Variants in PSD3 observed in about 807,000 individuals in gnomAD.
PSD3 encodes pleckstrin and Sec7 domain containing 3.
A neutral mutation model predicts 105.5 loss-of-function variants in PSD3; 49 were observed. That is an observed-to-expected ratio of 0.46 (90% CI 0.37 to 0.59). The LOEUF (loss-of-function observed/expected upper bound fraction) is 0.59, where lower values mean the gene tolerates loss of function less well. Ranked by LOEUF, PSD3 falls within the 20% of genes least tolerant of loss-of-function variation. The probability of loss-of-function intolerance (pLI) is 0.00; values close to 1 mark genes in which losing one functional copy is unlikely to be tolerated. For synonymous variants in PSD3, 557 were observed against 457.8 expected, an observed-to-expected ratio of 1.22 and a Z score of -2.77; for missense variants, 1,561 against 1,263.8, an observed-to-expected ratio of 1.24 and a Z score of -3.57.
chr8:18,644,422 C>A (rs180692205), intron 10 of PSD3, among the ~76,000 whole-genome samples: 268 of 152,258 alleles, frequency 1.8e-3, no homozygotes, highest in African/African-American at 5.7e-3. Flanking sequence ...CCCTAAAGCC[C>A]TTGGACAAGA....
intron 1 of PSD3, among the ~76,000 whole-genome samples, chr8:18,970,116 G>C (rs527516959): frequency 6.6e-6 from 1 of 151,538 alleles, no homozygotes; most frequent in South Asian, 2.1e-4. Flanking sequence ...ACGAGGTCAG[G>C]AGATCGAGAC....
At chr8:18,752,554 A>AATTATATAT (rs1554489476) in intron 9 of PSD3, among the ~76,000 whole-genome samples, 7,260 of 19,568 alleles carry the variant, frequency 0.37, 446 homozygotes, top group Admixed American at 0.45. Context: ...TATTATATAT[A>AATTATATAT]ATTATATATA....
chr8:18,896,851 C>G (rs575992700), intron 2 of PSD3, among the ~76,000 whole-genome samples: 1 of 152,022 alleles, frequency 6.6e-6, no homozygotes, highest in South Asian at 2.1e-4. Flanking sequence ...GCTCTTGTTG[C>G]CCAGGCTGGA....
chr8:18,681,597 G>A (rs1800394782), intron 9 of PSD3, among the ~76,000 whole-genome samples: 1 of 151,982 alleles, frequency 6.6e-6, no homozygotes, highest in Non-Finnish European at 1.5e-5. Flanking sequence ...GAGAAGTGAT[G>A]CTTAAATCAA....
At chr8:18,581,206 A>G (rs940046296) in intron 12 of PSD3, among the ~76,000 whole-genome samples, 1 of 152,232 alleles carries the variant, frequency 6.6e-6, no homozygotes, top group Non-Finnish European at 1.5e-5. Flanking sequence ...AATCATTTTA[A>G]TGTCAATTAA....
chr8:18,647,204 AC>A (rs1205383762), intron 10 of PSD3, among the ~76,000 whole-genome samples: 2 of 152,248 alleles, frequency 1.3e-5, no homozygotes, highest in African/African-American at 4.8e-5. Context: ...TAAATTTGCA[AC>A]AAGGAAATGA....
chr8:18,754,822 T>C (rs1040976689), intron 9 of PSD3, among the ~76,000 whole-genome samples: 1 of 152,164 alleles, frequency 6.6e-6, no homozygotes, highest in African/African-American at 2.4e-5. Context: ...ACTGTTTTCC[T>C]TTATGGGATA....
chr8:18,746,430 T>C (rs1322436609), intron 9 of PSD3, among the ~76,000 whole-genome samples: 2 of 152,150 alleles, frequency 1.3e-5, no homozygotes, highest in South Asian at 2.1e-4. Flanking sequence ...CAGTGCAGTC[T>C]AAGAGTTCGG....
At chr8:19,034,571 G>C (rs983261661) in intron 1 of PSD3, among the ~76,000 whole-genome samples, 1 of 152,126 alleles carries the variant, frequency 6.6e-6, no homozygotes, top group Non-Finnish European at 1.5e-5. Context: ...TGCATCACTC[G>C]CTAGGTACCA....
intron 9 of PSD3, among the ~76,000 whole-genome samples, chr8:18,758,414 C>CTTT (rs143280710): frequency 6.7e-5 from 9 of 135,116 alleles, no homozygotes; most frequent in African/African-American, 2.1e-4. Flanking sequence ...CAGTTTTACT[C>CTTT]TTTTTTTTTT....
intron 11 of PSD3, among the ~76,000 whole-genome samples, chr8:18,615,209 G>A (rs1805568968): frequency 6.6e-6 from 1 of 151,586 alleles, no homozygotes; most frequent in Non-Finnish European, 1.5e-5. Flanking sequence ...CTGATCACCT[G>A]CTGCACCCTA....
intron 1 of PSD3, among the ~76,000 whole-genome samples, chr8:19,081,050 G>C (rs1052915505): frequency 2.6e-5 from 4 of 152,184 alleles, no homozygotes; most frequent in Non-Finnish European, 4.4e-5. Context: ...AATGTGAACA[G>C]TTCCCTGGGT....
intron 4 of PSD3, among the ~76,000 whole-genome samples, chr8:18,824,814 T>C (rs1183660552): frequency 2.0e-5 from 3 of 152,122 alleles, no homozygotes; most frequent in East Asian, 1.9e-4. Flanking sequence ...AGAGTATCAA[T>C]AACACACAGT....
rs10102868 is a variant in PSD3 at position 19,078,655 on chromosome 8, G to A, written c.324+5551C>T. Among the ~76,000 whole-genome samples the A allele has an allele frequency of 7.2e-5, 11 of 151,924 alleles. 1 individual carries two copies. The highest frequency in any genetic ancestry group is 2.0e-4 in the Admixed American group (3 of 15,256). On this transcript the variant is annotated intron_variant, in intron 1 of 1. Transcript: ENST00000521475. The stretch of plus-strand genomic sequence containing the variant: ...CACCCCTGTTAGCACAATGTGAGCC[G>A]CACCTACCTCTGTGCCCACCATAGT...
chr8:18,562,107 A>T (rs1021374657), intron 14 of PSD3, among the ~76,000 whole-genome samples: 1 of 152,186 alleles, frequency 6.6e-6, no homozygotes, highest in African/African-American at 2.4e-5. Flanking sequence ...GAAACAGAGA[A>T]CACATTTATC....
intron 9 of PSD3, among the ~76,000 whole-genome samples, chr8:18,668,481 G>T (rs978505573): frequency 6.6e-6 from 1 of 152,132 alleles, no homozygotes; most frequent in Non-Finnish European, 1.5e-5. Context: ...TGATCTCACT[G>T]AACTCTCACA....
rs532717408 is a variant in PSD3 at position 18,532,918 on chromosome 8, G to A, written c.*2825C>T. ...AGAAATTAATATGAAGTGTATTGAC[G>A]TGAAGAAGAATGATTTATCATATGG... On this transcript the variant is annotated 3_prime_UTR_variant, in exon 16 of 16. Coordinates refer to ENST00000327040, the MANE Select transcript of PSD3 (RefSeq NM_015310.4). 4 of 152,304 alleles carry A rather than the reference G, an allele frequency of 2.6e-5. No individual in the cohort carries two copies. The highest frequency in any genetic ancestry group is 2.1e-4 in the South Asian group (1 of 4,820). 9.4% of individuals were successfully genotyped at this position (152,304 alleles called of 1,614,324 possible).
chr8:18,859,455 T>G (rs559263884), intron 4 of PSD3, among the ~76,000 whole-genome samples: 2 of 152,290 alleles, frequency 1.3e-5, no homozygotes, highest in Non-Finnish European at 2.9e-5. Context: ...CTACCAAGGG[T>G]CAGCTTGTCC....
intron 9 of PSD3, among the ~76,000 whole-genome samples, chr8:18,713,800 C>T (rs1457690088): frequency 3.3e-5 from 5 of 151,926 alleles, no homozygotes; most frequent in African/African-American, 1.2e-4. Flanking sequence ...CATATGGAAC[C>T]GAAAAAGAGT....
Sources: allele counts gnomAD v4.1 joint callset (sites outside exome capture counted in the v4.1 genomes callset), GRCh38; gene constraint gnomAD v4.1.1; transcripts MANE v1.5; gene names NCBI Gene and HGNC (gene_info 2026-07-23, HGNC 2026-07-21).